The following RNF111 variants were observed in gnomAD, a reference collection of about 807,000 sequenced individuals.
RNF111 encodes the protein ring finger protein 111, also known as E3 ubiquitin-protein ligase Arkadia.
Under a neutral mutation model 95.1 loss-of-function variants are expected in RNF111, and 17 were observed. The observed-to-expected ratio is 0.18, with a 90% CI of 0.12 to 0.27. The LOEUF is 0.27. RNF111 is among the 10% of genes least tolerant of loss of function. The pLI is 1.00. For missense variants in RNF111, 1,189 were observed against 1,210.4 expected (o/e 0.98, Z 0.26); for synonymous variants, 440 against 414.8 (o/e 1.06, Z -0.74).
intron 1 of RNF111, among the ~76,000 whole-genome samples, chr15:59,010,741 T>C (rs895169628): frequency 1.3e-5 from 2 of 152,120 alleles, no homozygotes; most frequent in Non-Finnish European, 2.9e-5. Context: ...TTATAAGTTA[T>C]AGTTCTCCCT....
chr15:59,020,460 G>A (rs561224574), intron 1 of RNF111, among the ~76,000 whole-genome samples: 44 of 152,180 alleles, frequency 2.9e-4, no homozygotes, highest in Non-Finnish European at 3.7e-4. Context: ...TACTGTTCAG[G>A]CTTGTGAGGT....
In RNF111 at chr15:59,095,295, A is replaced by G. The variant is rs1253852347; in HGVS notation, c.*395A>G. 1.1e-5 allele frequency: 2 copies of G among 190,116 alleles called. No individual in the cohort carries two copies. Among genetic ancestry groups the G allele is most frequent in the South Asian group, 9.7e-5 (1 of 10,360 alleles). The allele number at this position is 190,116 out of a possible 1,614,324, so 11.8% of individuals were successfully genotyped here. A position where few individuals can be genotyped will look rare whatever the true frequency, so the allele number is the denominator to read the frequency against. ...GATAATTATGAATTTTTTATCCATTACTAACCTTTAATTTAATCAATCATG... is the reference window on the plus strand; with the variant it reads ...GATAATTATGAATTTTTTATCCATTGCTAACCTTTAATTTAATCAATCATG... On this transcript the variant is annotated 3_prime_UTR_variant, in exon 14 of 14. Transcript: ENST00000348370.
At chr15:59,035,864 A>G (rs1197151253) in intron 2 of RNF111, among the ~76,000 whole-genome samples, 3 of 152,174 alleles carry the variant, frequency 2.0e-5, no homozygotes, top group Non-Finnish European at 4.4e-5. Context: ...ACAAGTCTCT[A>G]GGAAGTTCCA....
intron 3 of RNF111, among the ~76,000 whole-genome samples, chr15:59,055,305 G>T (rs2042158814): frequency 6.6e-6 from 1 of 152,168 alleles, no homozygotes; most frequent in African/African-American, 2.4e-5. Flanking sequence ...AAACATACAA[G>T]ACCTTGTGGA....
chr15:59,048,888 C>T (rs576636095), intron 2 of RNF111, among the ~76,000 whole-genome samples: 12 of 151,986 alleles, frequency 7.9e-5, no homozygotes, highest in African/African-American at 2.7e-4. Flanking sequence ...CCTAGGAGTT[C>T]GAGACCAGCC....
intron 7 of RNF111, among the ~76,000 whole-genome samples, chr15:59,077,462 T>G (rs2078599192): frequency 6.6e-6 from 1 of 152,342 alleles, no homozygotes; most frequent in Middle Eastern, 3.4e-3. Context: ...CTATAAAAAC[T>G]TTTAGAAATT....
At chr15:59,075,815 C>G (rs2043140722) in intron 6 of RNF111, 139 bp from the exon 7 acceptor site, 5 of 884,298 alleles carry the variant, frequency 5.7e-6, no homozygotes, top group Non-Finnish European at 8.4e-6. Context: ...CTCACTGGTT[C>G]TTCATACTAA....
At chr15:59,021,005 G>C (rs2040310970) in intron 1 of RNF111, among the ~76,000 whole-genome samples, 1 of 151,956 alleles carries the variant, frequency 6.6e-6, no homozygotes, top group Non-Finnish European at 1.5e-5. Context: ...TGAGATTTTG[G>C]TGCACCCATC....
At chr15:59,072,450 CTTTTT>C (rs35989790) in intron 6 of RNF111, among the ~76,000 whole-genome samples, 1 of 102,782 alleles carries the variant, frequency 9.7e-6, no homozygotes, top group East Asian at 3.0e-4. Flanking sequence ...TCATTTCCAT[CTTTTT>C]TTTTTTTTTT....
At chr15:59,014,834 C>T (rs2039992879) in intron 1 of RNF111, among the ~76,000 whole-genome samples, 1 of 151,776 alleles carries the variant, frequency 6.6e-6, no homozygotes, top group African/African-American at 2.4e-5. Context: ...CGGCTCACTG[C>T]AGTCCTTACC....
intron 1 of RNF111, among the ~76,000 whole-genome samples, chr15:59,017,013 G>A (rs1052658941): frequency 1.3e-5 from 2 of 151,796 alleles, no homozygotes; most frequent in Admixed American, 1.3e-4. Context: ...CCATCTAGTT[G>A]CAGGAGAGCA....
rs562916748 is a variant in RNF111 at position 58,989,605 on chromosome 15, G to T, written c.-20+1537G>T. On this transcript the variant is annotated intron_variant, in intron 1 of 13. Coordinates refer to ENST00000348370, the MANE Select transcript of RNF111 (RefSeq NM_017610.8). ...TAGTTATTTCACCAGACATAGAACT[G>T]GTTTTTAAAGAAAGGTATAAACAAA... Among the ~76,000 whole-genome samples, 309 of 152,268 alleles carry T rather than the reference G, an allele frequency of 2.0e-3. 4 individuals are homozygous for T. The highest frequency in any genetic ancestry group is 7.0e-3 in the African/African-American group (290 of 41,556).
At chr15:59,063,482 A>G (rs1213674576) in intron 5 of RNF111, among the ~76,000 whole-genome samples, 1 of 152,136 alleles carries the variant, frequency 6.6e-6, no homozygotes, top group African/African-American at 2.4e-5. Flanking sequence ...AATTTCCCTA[A>G]TGCAGGTTCA....
At chr15:59,092,497 C>T in intron 12 of RNF111, 40 bp from the exon 13 acceptor site, 1 of 1,579,312 alleles carries the variant, frequency 6.3e-7, no homozygotes, top group South Asian at 1.2e-5. Flanking sequence ...TCAATAATGT[C>T]ATCTCTACTA....
intron 6 of RNF111, among the ~76,000 whole-genome samples, chr15:59,071,554 G>A (rs36125140): frequency 2.0e-5 from 3 of 151,556 alleles, no homozygotes; most frequent in African/African-American, 7.3e-5. Flanking sequence ...TTAGCTGGGC[G>A]TGGGGTCTCG....
At chr15:59,071,318 G>T (rs1246769061) in intron 6 of RNF111, among the ~76,000 whole-genome samples, 1 of 128,296 alleles carries the variant, frequency 7.8e-6, no homozygotes, top group Non-Finnish European at 1.7e-5. Flanking sequence ...AAAAAAAAAA[G>T]AATACGAAGA....
chr15:59,093,901 A>G (rs1331161760), intron 13 of RNF111, among the ~76,000 whole-genome samples: 1 of 152,186 alleles, frequency 6.6e-6, no homozygotes, highest in Admixed American at 6.5e-5. Flanking sequence ...AGTATTGACA[A>G]TACTGTTCAA....
At chr15:59,070,029 CTTTTTTTTTTTTTT>C (rs1189748185) in intron 6 of RNF111, among the ~76,000 whole-genome samples, 2 of 22,684 alleles carry the variant, frequency 8.8e-5, no homozygotes, top group East Asian at 1.4e-3. Flanking sequence ...CCACCTCCTG[CTTTTTTTTTTTTTT>C]TTTTTTTTTT....
chr15:59,048,156 G>C (rs1021781277), intron 2 of RNF111, among the ~76,000 whole-genome samples: 1 of 152,148 alleles, frequency 6.6e-6, no homozygotes, highest in Non-Finnish European at 1.5e-5. Flanking sequence ...ACTTATACAT[G>C]AATGTTCATA....
Sources: allele counts gnomAD v4.1 joint callset (sites outside exome capture counted in the v4.1 genomes callset), GRCh38; gene constraint gnomAD v4.1.1; transcripts MANE v1.5; gene names NCBI Gene and HGNC (gene_info 2026-07-23, HGNC 2026-07-21).